Variants in ZCCHC17 observed in about 807,000 individuals in gnomAD.
ZCCHC17 encodes the protein zinc finger CCHC domain-containing protein 17.
Under a neutral mutation model 30.6 loss-of-function variants are expected in ZCCHC17, and 18 were observed. The observed-to-expected ratio is 0.59, with a 90% CI of 0.41 to 0.87. ZCCHC17 has a LOEUF of 0.87. Among genes scored for constraint, ZCCHC17 ranks in the 40% least tolerant of loss-of-function variants. The pLI is 0.00. For missense variants in ZCCHC17, 263 were observed against 284.2 expected, an observed-to-expected ratio of 0.93 and a Z score of 0.54; for synonymous variants, 88 against 92.4, an observed-to-expected ratio of 0.95 and a Z score of 0.27.
intron 1 of ZCCHC17, among the ~76,000 whole-genome samples, chr1:31,309,519 TG>T (rs1043948529): frequency 6.6e-6 from 1 of 152,100 alleles, no homozygotes; most frequent in Non-Finnish European, 1.5e-5. Flanking sequence ...TTCGCTATGT[TG>T]GCCAGGCTGG....
chr1:31,311,033 C>T (rs1261081830), intron 2 of ZCCHC17, among the ~76,000 whole-genome samples: 1 of 152,186 alleles, frequency 6.6e-6, no homozygotes, highest in African/African-American at 2.4e-5. Flanking sequence ...TAGCTCCTCT[C>T]CAGTCTGTTC....
intron 7 of ZCCHC17, among the ~76,000 whole-genome samples, chr1:31,358,237 G>C (rs1360497815): frequency 6.6e-6 from 1 of 152,188 alleles, no homozygotes; most frequent in Non-Finnish European, 1.5e-5. Flanking sequence ...TGAATGAAAA[G>C]AGAGTGGTAG....
chr1:31,349,431 A>G (rs927532948), intron 7 of ZCCHC17, among the ~76,000 whole-genome samples: 6 of 152,126 alleles, frequency 3.9e-5, no homozygotes, highest in African/African-American at 1.4e-4. Context: ...CCCAGGTTCA[A>G]GCGATTCTCA....
intron 7 of ZCCHC17, among the ~76,000 whole-genome samples, chr1:31,356,298 A>G (rs951599328): frequency 6.6e-6 from 1 of 152,220 alleles, no homozygotes; most frequent in African/African-American, 2.4e-5. Context: ...CAGTGTAGTC[A>G]GGCCACCTAG....
At chr1:31,310,196 T>C in intron 2 of ZCCHC17, 32 bp downstream of exon 2, 1 of 1,609,038 alleles carries the variant, frequency 6.2e-7, no homozygotes, top group Non-Finnish European at 8.5e-7. Context: ...AAACCCACCA[T>C]TTATGTTAAA....
At chr1:31,300,500 A>G (rs1646284812) in intron 1 of ZCCHC17, among the ~76,000 whole-genome samples, 1 of 152,122 alleles carries the variant, frequency 6.6e-6, no homozygotes, top group Admixed American at 6.5e-5. Context: ...GTTGTCTGCA[A>G]CTGTCCCGGG....
At chr1:31,300,657 C>T (rs957188086) in intron 1 of ZCCHC17, among the ~76,000 whole-genome samples, 4 of 151,736 alleles carry the variant, frequency 2.6e-5, no homozygotes, top group South Asian at 2.1e-4. Flanking sequence ...TGGTTTAGGC[C>T]GGGTGCTGTG....
intron 3 of ZCCHC17, among the ~76,000 whole-genome samples, chr1:31,321,264 C>A (rs995419913): frequency 2.6e-5 from 4 of 151,934 alleles, no homozygotes; most frequent in Admixed American, 6.6e-5. Context: ...TTATAAGGGG[C>A]TTCCCTTATA....
chr1:31,329,708 G>A (rs1428444960), intron 3 of ZCCHC17, among the ~76,000 whole-genome samples: 1 of 152,132 alleles, frequency 6.6e-6, no homozygotes, highest in Non-Finnish European at 1.5e-5. Flanking sequence ...AATACTTGAG[G>A]TATAGTGGGT....
chr1:31,322,049 C>T (rs113796112), intron 3 of ZCCHC17, among the ~76,000 whole-genome samples: 1 of 152,130 alleles, frequency 6.6e-6, no homozygotes, highest in African/African-American at 2.4e-5. Flanking sequence ...GGTAAAATTA[C>T]GTGGAACTAA....
At chr1:31,348,713 A>G (rs1285825597) in intron 6 of ZCCHC17, 116 bp from the exon 7 acceptor site, 1 of 1,257,830 alleles carries the variant, frequency 8.0e-7, no homozygotes, top group Non-Finnish European at 1.1e-6. Context: ...CTTTGAATGA[A>G]CTCAACAATA....
At chr1:31,340,294 C>T (rs1569872668) in intron 5 of ZCCHC17, among the ~76,000 whole-genome samples, 1 of 137,362 alleles carries the variant, frequency 7.3e-6, no homozygotes, top group Admixed American at 7.4e-5. Flanking sequence ...CCTAAAGTCT[C>T]TTAAAGGGGG....
At chr1:31,297,780 G>C (rs1301831705) in intron 1 of ZCCHC17, among the ~76,000 whole-genome samples, 1 of 152,182 alleles carries the variant, frequency 6.6e-6, no homozygotes, top group Non-Finnish European at 1.5e-5. Context: ...AGGAAGTGTT[G>C]TAATTAATTA....
intron 5 of ZCCHC17, 116 bp from the exon 6 acceptor site, chr1:31,346,524 T>G: frequency 8.1e-7 from 1 of 1,227,272 alleles, no homozygotes; most frequent in Non-Finnish European, 1.1e-6. Flanking sequence ...TCAAAAACTT[T>G]CTTTCTTTCT....
At chr1:31,340,679 C>T (rs1639018314) in intron 5 of ZCCHC17, among the ~76,000 whole-genome samples, 1 of 152,134 alleles carries the variant, frequency 6.6e-6, no homozygotes, top group South Asian at 2.1e-4. Flanking sequence ...TATGTGTGTC[C>T]TCAGGTTAAC....
At chr1:31,355,862 G>C (rs766837559) in intron 7 of ZCCHC17, among the ~76,000 whole-genome samples, 1 of 152,120 alleles carries the variant, frequency 6.6e-6, no homozygotes. Flanking sequence ...CTAAATCTTG[G>C]ATTCCAGCAG....
At chr1:31,330,502 G>T (rs1053103678) in intron 3 of ZCCHC17, among the ~76,000 whole-genome samples, 46 of 152,162 alleles carry the variant, frequency 3.0e-4, no homozygotes, top group African/African-American at 9.9e-4. Flanking sequence ...ATTTTTGTTT[G>T]TTTGTTTCTG....
chr1:31,340,195 C>T (rs1353574539), intron 5 of ZCCHC17, among the ~76,000 whole-genome samples: 1 of 151,794 alleles, frequency 6.6e-6, no homozygotes, highest in African/African-American at 2.4e-5. Context: ...GCGATCCTCC[C>T]ACCTTGGTCT....
chr1:31,364,019 A>T lies in ZCCHC17; in HGVS notation c.565-13A>T, dbSNP rs908668039. The T allele has an allele frequency of 1.2e-5, 20 of 1,605,900 alleles. No homozygotes were observed. The highest frequency in any genetic ancestry group is 1.5e-5 in the Non-Finnish European group (18 of 1,177,886). Reference sequence around the variant, plus strand: ...TACACATACAGTGTTGATTTTTAAAATTTTCTTTTCAGGAGAAGAAGAAAA... The same window carrying T: ...TACACATACAGTGTTGATTTTTAAATTTTTCTTTTCAGGAGAAGAAGAAAA... On this transcript the variant is annotated splice_polypyrimidine_tract_variant and intron_variant, in intron 7 of 7. Transcript: ENST00000344147.
Sources: gnomAD v4.1 joint callset for allele counts (sites outside exome capture counted in the v4.1 genomes callset) on GRCh38, gnomAD v4.1.1 for gene constraint, MANE v1.5 for transcripts, NCBI Gene and HGNC (gene_info 2026-07-23, HGNC 2026-07-21) for gene names.